Variants in RFPL1 observed in about 807,000 individuals in gnomAD.
RFPL1 encodes the protein ret finger protein-like 1.
A neutral mutation model predicts 9.6 loss-of-function variants in RFPL1; 6 were observed. The ratio of observed to expected loss-of-function variants is 0.62; its 90% confidence interval spans 0.34 to 1.23. The LOEUF (loss-of-function observed/expected upper bound fraction) is 1.23, where lower values mean the gene tolerates loss of function less well. RFPL1 is among the 50% of genes most tolerant of loss of function. RFPL1 has a pLI of 0.03. For missense variants in RFPL1, 352 were observed against 398.4 expected (o/e 0.88, Z 0.99); for synonymous variants, 145 against 149.4 (o/e 0.97, Z 0.22).
At chr22:29,395,963 A>G in the RFPL1 span, among the ~76,000 whole-genome samples, 18 of 152,170 alleles carry the variant, frequency 1.2e-4, no homozygotes, top group Admixed American at 8.5e-4. Flanking sequence ...ACAGAGCGAG[A>G]CTCTGTCGAA....
the RFPL1 span, among the ~76,000 whole-genome samples, chr22:29,408,562 G>A: frequency 1.3e-5 from 2 of 152,214 alleles, no homozygotes; most frequent in Admixed American, 6.5e-5. Context: ...TATGACATCA[G>A]ATATTGTAAG....
chr22:29,412,126 A>C, the RFPL1 span, among the ~76,000 whole-genome samples: 1 of 152,196 alleles, frequency 6.6e-6, no homozygotes, highest in Admixed American at 6.5e-5. Flanking sequence ...TGAGAGGGGC[A>C]GAACAGGAAT....
At chr22:29,416,594 G>T in the RFPL1 span, among the ~76,000 whole-genome samples, 1 of 152,112 alleles carries the variant, frequency 6.6e-6, no homozygotes, top group Non-Finnish European at 1.5e-5. Context: ...TACTTAATGT[G>T]GCCCCTTACT....
At chr22:29,398,430 C>T in the RFPL1 span, among the ~76,000 whole-genome samples, 3 of 152,218 alleles carry the variant, frequency 2.0e-5, no homozygotes, top group Non-Finnish European at 2.9e-5. Context: ...CCTTAATCTG[C>T]AAAATATCCC....
chr22:29,437,751 G>A (rs1391826991), upstream of RFPL1: 47 of 1,573,314 alleles, frequency 3.0e-5, no homozygotes, highest in East Asian at 1.0e-3. Context: ...GCCTGTGTGT[G>A]TGTTTTTCCT....
chr22:29,410,143 A>C, the RFPL1 span, among the ~76,000 whole-genome samples: 1 of 149,734 alleles, frequency 6.7e-6, no homozygotes, highest in Middle Eastern at 3.4e-3. Context: ...AGCATGATCT[A>C]ATCCTCATGG....
chr22:29,428,051 C>G, the RFPL1 span, among the ~76,000 whole-genome samples: 7 of 152,112 alleles, frequency 4.6e-5, no homozygotes, highest in African/African-American at 1.7e-4. Context: ...TTCATAAGTC[C>G]CTATTAAATG....
the RFPL1 span, among the ~76,000 whole-genome samples, chr22:29,429,741 G>T: frequency 6.6e-6 from 1 of 152,096 alleles, no homozygotes; most frequent in Non-Finnish European, 1.5e-5. Flanking sequence ...CCTAAAGACC[G>T]CACCAAAAAA....
chr22:29,419,004 C>T, the RFPL1 span: 3 of 672,740 alleles, frequency 4.5e-6, no homozygotes, highest in Non-Finnish European at 8.2e-6. Flanking sequence ...TAAACAAAAC[C>T]TTCTATTGGG....
At chr22:29,424,300 G>T in the RFPL1 span, among the ~76,000 whole-genome samples, 2,901 of 152,232 alleles carry the variant, frequency 0.019, 71 homozygotes, top group African/African-American at 0.066. Flanking sequence ...TGAAAGAAAA[G>T]AAGTTACACA....
intron 1 of RFPL1, chr22:29,441,010 T>TA (rs1444837417): frequency 6.5e-6 from 1 of 154,252 alleles, no homozygotes; most frequent in East Asian, 1.9e-4. Context: ...TGGAGCCTCC[T>TA]AATGTCCAGG....
the RFPL1 span, among the ~76,000 whole-genome samples, chr22:29,428,032 G>A: frequency 3.3e-5 from 5 of 152,208 alleles, no homozygotes; most frequent in African/African-American, 1.2e-4. Flanking sequence ...GACATAGACA[G>A]GGCTTCTGTT....
the RFPL1 span, among the ~76,000 whole-genome samples, chr22:29,399,846 A>C: frequency 1.3e-5 from 2 of 151,842 alleles, no homozygotes; most frequent in Admixed American, 6.6e-5. Flanking sequence ...TAACTCTTTG[A>C]GGGAGTTAAT....
chr22:29,430,113 G>GA, the RFPL1 span, among the ~76,000 whole-genome samples: 3 of 135,298 alleles, frequency 2.2e-5, no homozygotes, highest in East Asian at 1.9e-4. Flanking sequence ...TGAAGAAAGT[G>GA]AAAAAAAATC....
chr22:29,394,714 T>A, the RFPL1 span, among the ~76,000 whole-genome samples: 1 of 152,230 alleles, frequency 6.6e-6, no homozygotes, highest in Non-Finnish European at 1.5e-5. Flanking sequence ...CATCGTTGTA[T>A]GCCCTTGACA....
chr22:29,389,007 G>C, the RFPL1 span, among the ~76,000 whole-genome samples: 1 of 152,152 alleles, frequency 6.6e-6, no homozygotes, highest in Admixed American at 6.5e-5. Flanking sequence ...CTCCCAAGCA[G>C]CTGGGACCAC....
chr22:29,423,026 G>C, the RFPL1 span: 1 of 862,536 alleles, frequency 1.2e-6, no homozygotes, highest in African/African-American at 1.6e-5. Flanking sequence ...ATGTTTCCAG[G>C]CCTTCATTCC....
chr22:29,440,287 C>T lies in RFPL1; in HGVS notation c.373+1123C>T, dbSNP rs370618511. 3.8e-3 allele frequency: 586 copies of T among 152,334 alleles called. 3 individuals carry two copies. Among genetic ancestry groups the T allele is most frequent in the Middle Eastern group, 0.014 (4 of 294 alleles). The allele number at this position is 152,334 out of a possible 1,614,324, so 9.4% of individuals were successfully genotyped here. A position where few individuals can be genotyped will look rare whatever the true frequency, so the allele number is the denominator to read the frequency against. On this transcript the variant is annotated intron_variant, in intron 1 of 1. Transcript: ENST00000354373. ...CCATGTCCACTCATCTCATTTCATT[C>T]CCTAATTCACCATCAAACAGCAATC...
At chr22:29,422,854 G>A in the RFPL1 span, among the ~76,000 whole-genome samples, 1 of 151,982 alleles carries the variant, frequency 6.6e-6, no homozygotes, top group Non-Finnish European at 1.5e-5. Context: ...GATGCTGATA[G>A]GATTGTGTGT....
Sources: allele counts gnomAD v4.1 joint callset (sites outside exome capture counted in the v4.1 genomes callset), GRCh38; gene constraint gnomAD v4.1.1; transcripts MANE v1.5; gene names NCBI Gene and HGNC (gene_info 2026-07-23, HGNC 2026-07-21).